SPIRE2: variants seen among roughly 807,000 people sequenced by gnomAD.
The protein encoded by SPIRE2 is spire type actin nucleation factor 2.
In SPIRE2, 76 loss-of-function variants were observed where a neutral mutation model predicts 80.7. The observed-to-expected ratio is 0.94, with a 90% CI of 0.78 to 1.14. SPIRE2 has a LOEUF of 1.14. Ranked by LOEUF, SPIRE2 falls within the 50% of genes most tolerant of loss-of-function variation. The pLI, the probability that SPIRE2 is intolerant of heterozygous loss-of-function variation, is 0.00. For missense variants in SPIRE2, 1,196 were observed against 1,015.3 expected (o/e 1.18, Z -2.42); for synonymous variants, 535 against 432.6 (o/e 1.24, Z -2.94).
At chr16:89,856,329 C>T in intron 7 of SPIRE2, 93 bp downstream of exon 7, 2 of 1,411,330 alleles carry the variant, frequency 1.4e-6, no homozygotes, top group South Asian at 1.5e-5. Flanking sequence ...AAGGTGGCGT[C>T]TCCCTGAGGG....
At chr16:89,850,193 G>A (rs1401541306) in intron 2 of SPIRE2, 111 bp from the exon 3 acceptor site, 12 of 891,222 alleles carry the variant, frequency 1.3e-5, no homozygotes, top group African/African-American at 4.9e-5. Flanking sequence ...CTTGTGGACC[G>A]ACAGCTGCTG....
At chr16:89,840,383 G>C (rs1567670442) in intron 1 of SPIRE2, among the ~76,000 whole-genome samples, 1 of 150,564 alleles carries the variant, frequency 6.6e-6, no homozygotes, top group Non-Finnish European at 1.5e-5. Context: ...CCGAATAACT[G>C]GGACTACAGG....
chr16:89,862,216 G>A (rs1485527689), intron 10 of SPIRE2: 1 of 151,954 alleles, frequency 6.6e-6, no homozygotes, highest in Non-Finnish European at 1.5e-5. Flanking sequence ...TGTTAGCCAG[G>A]ATGGTTTCGA....
intron 1 of SPIRE2, among the ~76,000 whole-genome samples, chr16:89,836,707 C>T (rs1318921998): frequency 1.3e-5 from 2 of 151,700 alleles, no homozygotes; most frequent in Non-Finnish European, 2.9e-5. Context: ...CGGCCGGGGG[C>T]GGTGGCTCAC....
chr16:89,859,140 A>G (rs1555598789), intron 8 of SPIRE2, 25 bp from the exon 9 acceptor site: 3 of 1,523,396 alleles, frequency 2.0e-6, no homozygotes, highest in Non-Finnish European at 2.7e-6. Flanking sequence ...TTGTCAGGGC[A>G]GGGCCGCGTC....
At chr16:89,836,669 G>A (rs967483573) in intron 1 of SPIRE2, among the ~76,000 whole-genome samples, 3 of 151,966 alleles carry the variant, frequency 2.0e-5, no homozygotes, top group African/African-American at 4.8e-5. Flanking sequence ...AGGTCTCACC[G>A]CCCTGGAGAG....
At chr16:89,858,628 C>T in intron 8 of SPIRE2, 121 bp downstream of exon 8, 1 of 973,010 alleles carries the variant, frequency 1.0e-6, no homozygotes, top group East Asian at 3.0e-5. Flanking sequence ...GTCCAGGAGC[C>T]CTCCCTTGAA....
rs375815496 is a variant in SPIRE2 at position 89,854,310 on chromosome 16, G to C, written c.670G>C (p.Glu224Gln). 1 of 1,612,490 alleles carries C rather than the reference G, an allele frequency of 6.2e-7. No homozygotes were observed. Among genetic ancestry groups the C allele is most frequent in the African/African-American group, 1.3e-5 (1 of 75,078 alleles). Residue 224 changes from glutamate (E) to glutamine (Q), a missense_variant, in exon 4 of 15, where the codon GAG becomes CAG. Physicochemically the swap from Glu to Gln is conservative, Grantham distance 29. Coordinates refer to ENST00000378247, the MANE Select transcript of SPIRE2 (RefSeq NM_032451.2). ...GATGCTGCAGAAGCTTCGGGAGGAC[G>C]AGCCGCATCTGGAGACGCCTCGGGC... ...KEMLQKLRED[E>Q]PHLETPRAEL...
intron 1 of SPIRE2, among the ~76,000 whole-genome samples, chr16:89,832,422 G>A (rs1418054309): frequency 1.3e-5 from 2 of 152,240 alleles, no homozygotes; most frequent in African/African-American, 4.8e-5. Flanking sequence ...TTGTGCTGGA[G>A]AAAAGCAAGA....
intron 1 of SPIRE2, among the ~76,000 whole-genome samples, chr16:89,840,440 G>A (rs527386671): frequency 2.8e-4 from 42 of 150,544 alleles, no homozygotes; most frequent in African/African-American, 7.1e-4. Context: ...TAGTAGAGAC[G>A]GGGTTTCACC....
intron 5 of SPIRE2, 72 bp from the exon 6 acceptor site, chr16:89,855,528 C>A: frequency 3.6e-6 from 5 of 1,375,894 alleles, no homozygotes; most frequent in Non-Finnish European, 5.1e-6. Flanking sequence ...TTGGGCTGAG[C>A]AGGCCTCTCC....
chr16:89,860,736 G>A lies in SPIRE2; in HGVS notation c.1516G>A (p.Gly506Ser). The A allele has an allele frequency of 6.3e-7, 1 of 1,586,922 alleles. No individual in the cohort carries two copies. Among genetic ancestry groups the A allele is most frequent in the East Asian group, 2.3e-5 (1 of 43,226 alleles). ...CAGCCACCCCCTACTCAGCAACCGG[G>A]GCTCCTCGGGGGACAGACCCGAGGC... is the stretch of plus-strand genomic sequence containing the variant. ...DPSHPLLSNRGSSGDRPEASM... is the reference protein window; with the variant it reads ...DPSHPLLSNRSSSGDRPEASM... The change falls in exon 10 of 15, where the codon GGC becomes AGC. Residue 506 changes from glycine to serine, a missense_variant. Transcript: ENST00000378247.
intron 12 of SPIRE2, among the ~76,000 whole-genome samples, chr16:89,867,423 G>GT (rs996160754): frequency 7.9e-5 from 12 of 152,136 alleles, no homozygotes; most frequent in Admixed American, 2.0e-4. Context: ...GATTACAGGC[G>GT]TGAGGCATCG....
intron 5 of SPIRE2, among the ~76,000 whole-genome samples, 193 bp from the exon 6 acceptor site, chr16:89,855,407 G>A (rs1234385836): frequency 1.3e-5 from 2 of 152,142 alleles, no homozygotes; most frequent in Non-Finnish European, 2.9e-5. Context: ...CATGGATGCT[G>A]TGGCCGCCCA....
chr16:89,856,240 A>G lies in SPIRE2; in HGVS notation c.1102+4A>G. ...GGCGAGGGCTGGGCTGCCCGCGGTGAGTGAGGGGATGGCAGGAGAAGAGAG... is the reference window on the plus strand; with the variant it reads ...GGCGAGGGCTGGGCTGCCCGCGGTGGGTGAGGGGATGGCAGGAGAAGAGAG... On this transcript the variant is annotated splice_donor_region_variant and intron_variant, in intron 7 of 14. Coordinates refer to ENST00000378247, the MANE Select transcript of SPIRE2 (RefSeq NM_032451.2). 6.4e-7 allele frequency: 1 copy of G among 1,565,706 alleles called. No homozygotes were observed. Among genetic ancestry groups the G allele is most frequent in the Non-Finnish European group, 8.6e-7 (1 of 1,156,092 alleles).
At chr16:89,848,212 C>T (rs2041582396) in intron 2 of SPIRE2, among the ~76,000 whole-genome samples, 2 of 152,244 alleles carry the variant, frequency 1.3e-5, no homozygotes, top group South Asian at 4.1e-4. Flanking sequence ...CTCTGGAGGT[C>T]CCTTGCCCCA....
At chr16:89,861,508 C>G (rs942827695) in intron 10 of SPIRE2, among the ~76,000 whole-genome samples, 3 of 152,320 alleles carry the variant, frequency 2.0e-5, no homozygotes, top group Non-Finnish European at 4.4e-5. Flanking sequence ...TCGTATCCCA[C>G]CGAAGGCAGG....
Position 89,858,542 on chromosome 16 carries a change from G to A in SPIRE2, c.1272+35G>A, listed in dbSNP as rs12932427. On this transcript the variant is annotated intron_variant, in intron 8 of 14. Coordinates refer to ENST00000378247, the MANE Select transcript of SPIRE2 (RefSeq NM_032451.2). Reference sequence around the variant, plus strand: ...CATGGGGATTCCTGAAAAGAGACCAGGAATGGGAGGATGGGGGCCAAGGAA... The same window carrying A: ...CATGGGGATTCCTGAAAAGAGACCAAGAATGGGAGGATGGGGGCCAAGGAA... 14,308 of 1,506,620 alleles carry A rather than the reference G, an allele frequency of 9.5e-3. 235 individuals are homozygous for A. Among genetic ancestry groups the A allele is most frequent in the South Asian group, 0.062 (4,618 of 74,836 alleles). The allele number at this position is 1,506,620 out of a possible 1,614,324, so 93.3% of individuals were successfully genotyped here.
intron 1 of SPIRE2, among the ~76,000 whole-genome samples, chr16:89,840,772 A>C (rs1488377460): frequency 6.7e-6 from 1 of 149,416 alleles, no homozygotes; most frequent in African/African-American, 2.5e-5. Context: ...AGTAGCTGGG[A>C]CTACAGGTGC....
Sources: allele counts gnomAD v4.1 joint callset (sites outside exome capture counted in the v4.1 genomes callset), GRCh38; gene constraint gnomAD v4.1.1; transcripts MANE v1.5; gene names NCBI Gene and HGNC (gene_info 2026-07-23, HGNC 2026-07-21).